The following SLC40A1 variants were observed in gnomAD, a reference collection of about 807,000 sequenced individuals.
SLC40A1 encodes solute carrier family 40 member 1.
A neutral mutation model predicts 53.5 loss-of-function variants in SLC40A1; 16 were observed. The ratio of observed to expected loss-of-function variants is 0.30; its 90% confidence interval spans 0.20 to 0.45. The LOEUF (loss-of-function observed/expected upper bound fraction) is 0.45. Among genes scored for constraint, SLC40A1 ranks in the 20% least tolerant of loss-of-function variants. The pLI is 1.00. For synonymous variants in SLC40A1, 247 were observed against 253.2 expected (o/e 0.98, Z 0.23); for missense variants, 545 against 695.4 (o/e 0.78, Z 2.43).
rs193177923 is a variant in SLC40A1, at chr2:189,563,367, T to G, written c.1402+217A>C. Among the ~76,000 whole-genome samples the G allele has an allele frequency of 1.7e-4, 26 of 151,452 alleles. No homozygotes were observed. The East Asian group carries it at 4.8e-3, about 28-fold the overall frequency. On this transcript the variant is annotated intron_variant, in intron 7 of 7. Transcript: ENST00000261024. ...AAGCCTGAACCATGTTTTAAGTATA[T>G]GTATATAATAAAGTAAACAAATACA... is the stretch of plus-strand genomic sequence containing the variant.
Position 189,561,529 on chromosome 2 carries a change from C to T in SLC40A1, c.*349G>A, listed in dbSNP as rs1329356839. The T allele has an allele frequency of 4.4e-5, 10 of 229,570 alleles. No homozygotes were observed. The highest frequency in any genetic ancestry group is 8.7e-5 in the Non-Finnish European group (10 of 115,356). The allele number at this position is 229,570 out of a possible 1,614,324, so 14.2% of individuals were successfully genotyped here. A position where few individuals can be genotyped will look rare whatever the true frequency, so the allele number is the denominator to read the frequency against. On this transcript the variant is annotated 3_prime_UTR_variant, in exon 8 of 8. Transcript: ENST00000261024. The stretch of plus-strand genomic sequence containing the variant: ...TGCAGAAAACTGACATATCTGAATT[C>T]TAGTACAGATAAGAATCTGTCAAAT...
At position 189,560,613 on chromosome 2, in the gene SLC40A1, T is replaced by C. The variant is rs940869392; in HGVS notation, c.*1265A>G. 1 of 152,644 alleles carries C rather than the reference T, an allele frequency of 6.6e-6. No homozygotes were observed. Among genetic ancestry groups the C allele is most frequent in the African/African-American group, 2.4e-5 (1 of 41,464 alleles). 9.5% of individuals were successfully genotyped at this position (152,644 alleles called of 1,614,324 possible). A position where few individuals can be genotyped will look rare whatever the true frequency, so the allele number is the denominator to read the frequency against. On this transcript the variant is annotated 3_prime_UTR_variant, in exon 8 of 8. Coordinates refer to ENST00000261024, the MANE Select transcript of SLC40A1 (RefSeq NM_014585.6). ...AATTAAGATTTTCAAAATATTTTTA[T>C]ATAGAAATTTTTTACAAAGATTTTA...
rs1194311241 is a variant in SLC40A1, at chr2:189,570,050, ACC to A, written c.514+1663_514+1664del. On this transcript the variant is annotated intron_variant, in intron 5 of 7. Coordinates refer to ENST00000261024, the MANE Select transcript of SLC40A1 (RefSeq NM_014585.6). ...TATGTATGTATATATATATACACACACCTATATATGTATGTATATATATACAC... is the reference window on the plus strand; with the variant it reads ...TATGTATGTATATATATATACACACATATATATGTATGTATATATATACAC... 1.3e-4 allele frequency among the ~76,000 whole-genome samples: 17 copies of A among 132,122 alleles called. 1 individual carries two copies. The South Asian group carries it at 3.9e-3, about 31-fold the overall frequency. 86.7% of individuals were successfully genotyped at this position (132,122 alleles called of 152,430 possible).
At chr2:189,564,436 T>C (rs1428704389) in intron 6 of SLC40A1, among the ~76,000 whole-genome samples, 4 of 152,120 alleles carry the variant, frequency 2.6e-5, no homozygotes, top group Non-Finnish European at 5.9e-5. Context: ...AAAATACTAT[T>C]GATCTATCCC....
At chr2:189,576,660 T>C (rs993572383) in intron 2 of SLC40A1, among the ~76,000 whole-genome samples, 39 of 152,136 alleles carry the variant, frequency 2.6e-4, no homozygotes, top group Non-Finnish European at 3.1e-4. Flanking sequence ...TAAAATGGGA[T>C]AGGGAGAGGG....
rs184743840 is a variant in SLC40A1, at chr2:189,562,819, C to A, written c.1403-628G>T. 1.8e-3 allele frequency among the ~76,000 whole-genome samples: 279 copies of A among 152,132 alleles called. 1 individual carries two copies. Among genetic ancestry groups the A allele is most frequent in the African/African-American group, 6.4e-3 (265 of 41,504 alleles). Reference sequence around the variant, plus strand: ...AGGGCTATAAAATCCATTTGTGTGGCAAACTATATAATAAATACATATTTG... The same window carrying A: ...AGGGCTATAAAATCCATTTGTGTGGAAAACTATATAATAAATACATATTTG... On this transcript the variant is annotated intron_variant, in intron 7 of 7. Coordinates refer to ENST00000261024, the MANE Select transcript of SLC40A1 (RefSeq NM_014585.6).
At chr2:189,572,709 G>T in intron 4 of SLC40A1, 137 bp downstream of exon 4, 1 of 693,418 alleles carries the variant, frequency 1.4e-6, no homozygotes, top group South Asian at 1.6e-5. Context: ...AAACTATAGG[G>T]GATATTACAG....
chr2:189,578,104 T>C (rs2031346927), intron 2 of SLC40A1: 2 of 653,216 alleles, frequency 3.1e-6, no homozygotes, highest in South Asian at 6.9e-5. Flanking sequence ...GGACGGAAAA[T>C]GCATATATAT....
chr2:189,579,571 T>A (rs1322327649), intron 2 of SLC40A1, among the ~76,000 whole-genome samples: 3 of 152,234 alleles, frequency 2.0e-5, no homozygotes, highest in East Asian at 1.9e-4. Flanking sequence ...TCCTTGATAA[T>A]CTTGTCTGGA....
At chr2:189,578,098 G>A (rs779210117) in intron 2 of SLC40A1, 5 of 624,936 alleles carry the variant, frequency 8.0e-6, no homozygotes, top group African/African-American at 2.0e-5. Flanking sequence ...AGGGTGGGAC[G>A]GAAAATGCAT....
intron 2 of SLC40A1, among the ~76,000 whole-genome samples, 153 bp from the exon 3 acceptor site, chr2:189,575,473 TG>T (rs2031260265): frequency 6.6e-6 from 1 of 152,242 alleles, no homozygotes; most frequent in Non-Finnish European, 1.5e-5. Context: ...ACTGCTCAGA[TG>T]TTAAAACGTT....
At position 189,563,585 on chromosome 2, in the gene SLC40A1, G is replaced by A. The variant is rs773589070; in HGVS notation, c.1401C>T (p.Ile467=). 2.7e-5 allele frequency: 44 copies of A among 1,612,870 alleles called. No individual in the cohort carries two copies. In the South Asian group the frequency reaches 3.6e-4, roughly 13 times the overall value. Residue 467 remains isoleucine, a splice_region_variant and synonymous_variant, in exon 7 of 8, where the codon ATC becomes ATT. Transcript: ENST00000261024. ...AATATATAAAAAGAGATTTCTTACC[G>A]ATTCTAGCAGCAATGACGCCTGCAA... ...LLFAGVIAAR[I]GLWSFDLTVT...
rs911996313 is a variant in SLC40A1 at position 189,572,832 on chromosome 2, C to G, written c.387+14G>C. On this transcript the variant is annotated intron_variant, in intron 4 of 7. Coordinates refer to ENST00000261024, the MANE Select transcript of SLC40A1 (RefSeq NM_014585.6). ...TTCAATTTTCTGCCATCAAGAATCTCATTGAGAACTTACGAGAACCCATCC... is the reference window on the plus strand; with the variant it reads ...TTCAATTTTCTGCCATCAAGAATCTGATTGAGAACTTACGAGAACCCATCC... 6.5e-7 allele frequency: 1 copy of G among 1,545,906 alleles called. No individual in the cohort carries two copies. Among genetic ancestry groups the G allele is most frequent in the African/African-American group, 1.4e-5 (1 of 73,408 alleles).
chr2:189,570,438 CA>C (rs914755872), intron 5 of SLC40A1, among the ~76,000 whole-genome samples: 1 of 151,428 alleles, frequency 6.6e-6, no homozygotes, highest in Non-Finnish European at 1.5e-5. Context: ...AGAAAGTAAA[CA>C]AAAAAAGACA....
intron 5 of SLC40A1, among the ~76,000 whole-genome samples, chr2:189,566,611 G>A (rs1004140857): frequency 1.3e-5 from 2 of 152,214 alleles, no homozygotes; most frequent in African/African-American, 4.8e-5. Context: ...AACTGAAGGA[G>A]TTGCTCTTAG....
chr2:189,571,436 A>AT (rs71401203), intron 5 of SLC40A1, among the ~76,000 whole-genome samples: 7,841 of 141,524 alleles, frequency 0.055, 260 homozygotes, highest in East Asian at 0.13. Context: ...AGTTGATTGA[A>AT]TTTTTTTTTA....
rs528996026 is a variant in SLC40A1, at chr2:189,580,536, G to A, written c.-76C>T. 67 of 1,608,454 alleles carry A rather than the reference G, an allele frequency of 4.2e-5. No individual in the cohort carries two copies. The East Asian group carries it at 1.5e-3, about 36-fold the overall frequency. On this transcript the variant is annotated 5_prime_UTR_variant, in exon 1 of 8. Coordinates refer to ENST00000261024, the MANE Select transcript of SLC40A1 (RefSeq NM_014585.6). ...CTCTCGCTGAGGTGCTTGTTAACAG[G>A]AGTGCAAGGAACTGGAGATAGCACC...
At chr2:189,563,158 C>T (rs1198694556) in intron 7 of SLC40A1, among the ~76,000 whole-genome samples, 7 of 151,318 alleles carry the variant, frequency 4.6e-5, no homozygotes, top group Non-Finnish European at 8.8e-5. Flanking sequence ...GGCTGTAGTC[C>T]CAGCTACTTG....
intron 2 of SLC40A1, chr2:189,578,186 A>C (rs1479452905): frequency 2.3e-5 from 23 of 984,304 alleles, no homozygotes; most frequent in Non-Finnish European, 2.7e-5. Flanking sequence ...GCAGAGTGCC[A>C]CACAAGAGAA....
Sources: allele counts gnomAD v4.1 joint callset (sites outside exome capture counted in the v4.1 genomes callset), GRCh38; gene constraint gnomAD v4.1.1; transcripts MANE v1.5; gene names NCBI Gene and HGNC (gene_info 2026-07-23, HGNC 2026-07-21).